Variants in IFFO1 observed in about 807,000 individuals in gnomAD.
IFFO1 encodes the protein non-homologous end joining factor IFFO1.
A neutral mutation model predicts 59.6 loss-of-function variants in IFFO1; 42 were observed. The ratio of observed to expected loss-of-function variants is 0.70; its 90% CI spans 0.55 to 0.91. The LOEUF (loss-of-function observed/expected upper bound fraction) is 0.91. Ranked by LOEUF, IFFO1 falls within the 40% of genes least tolerant of loss-of-function variation. IFFO1 has a pLI of 0.00. For synonymous variants in IFFO1, 336 were observed against 342.8 expected, an observed-to-expected ratio of 0.98 and a Z score of 0.22; for missense variants, 711 against 793.2, an observed-to-expected ratio of 0.90 and a Z score of 1.24.
chr12:6,543,694 C>G (rs565567403), intron 8 of IFFO1: 1 of 152,192 alleles, frequency 6.6e-6, no homozygotes, highest in African/African-American at 2.4e-5. Flanking sequence ...AGGCCGGGTG[C>G]GGTGGCTCAT....
At chr12:6,551,077 T>G (rs1947213635) in intron 1 of IFFO1, 76 bp from the exon 2 acceptor site, 11 of 1,462,626 alleles carry the variant, frequency 7.5e-6, no homozygotes, top group Non-Finnish European at 9.5e-6. Flanking sequence ...TGTCCCCACC[T>G]CTCTGGCTCA....
chr12:6,546,645 A>G (rs1457116781), intron 8 of IFFO1, among the ~76,000 whole-genome samples: 7 of 144,474 alleles, frequency 4.8e-5, no homozygotes, highest in African/African-American at 7.5e-5. Context: ...CACCACGGCC[A>G]GCTAATTTTT....
chr12:6,553,056 C>T (rs1338707591), intron 1 of IFFO1, among the ~76,000 whole-genome samples: 4 of 152,108 alleles, frequency 2.6e-5, no homozygotes, highest in East Asian at 1.9e-4. Context: ...GAAAATAGAA[C>T]GCAGGAGGCC....
At position 6,548,536 on chromosome 12, in the gene IFFO1, A is replaced by G; in HGVS notation, c.1272T>C (p.Tyr424=). ...MQRMLNQLRE[Y]DFEDDCDSLT... is the part of the protein sequence containing the mutation. The stretch of plus-strand genomic sequence containing the variant: ...GGCTGTCACAGTCGTCCTCAAAATC[A>G]TACTCCCTCCTAGAGACAGGGAACC... The change falls in exon 7 of 10, where the codon TAT becomes TAC. Residue 424 remains tyrosine, a synonymous_variant. Coordinates refer to ENST00000619571, the MANE Select transcript of IFFO1 (RefSeq NM_001193457.2). This position sits in a 1 kb window ranked among gnomAD's most constrained non-coding sequence, Gnocchi z 6.1. 1 of 1,613,628 alleles carries G rather than the reference A, an allele frequency of 6.2e-7. No homozygotes were observed. The highest frequency in any genetic ancestry group is 1.3e-5 in the African/African-American group (1 of 74,984).
intron 8 of IFFO1, 130 bp downstream of exon 8, chr12:6,547,935 C>T (rs1458254564): frequency 6.8e-6 from 5 of 734,148 alleles, no homozygotes; most frequent in Non-Finnish European, 1.2e-5. Flanking sequence ...AGGACTATAG[C>T]TGAGAGATCA....
At position 6,540,249 on chromosome 12, in the gene IFFO1, G is replaced by A; in HGVS notation, c.*234C>T. The A allele has an allele frequency of 3.5e-6, 2 of 577,906 alleles. No individual in the cohort carries two copies. The highest frequency in any genetic ancestry group is 2.1e-5 in the South Asian group (1 of 48,666). The allele number at this position is 577,906 out of a possible 1,614,324, so 35.8% of individuals were successfully genotyped here. A position where few individuals can be genotyped will look rare whatever the true frequency, so the allele number is the denominator to read the frequency against. On this transcript the variant is annotated 3_prime_UTR_variant, in exon 10 of 10. Transcript: ENST00000619571. Reference sequence around the variant, plus strand: ...GACACCCACGCGTGAAGGCAGGAGAGCCCCAACTGTGGTGGAAATGGCCCC... The same window carrying A: ...GACACCCACGCGTGAAGGCAGGAGAACCCCAACTGTGGTGGAAATGGCCCC...
In IFFO1 at chr12:6,548,900, C is replaced by G; in HGVS notation, c.1081-51G>C. On this transcript the variant is annotated intron_variant, in intron 5 of 9. Transcript: ENST00000619571. The surrounding 1 kb of genome is among the most constrained non-coding windows in gnomAD (Gnocchi z 6.1). ...AGGAGAAAGGGCGGGAGCGGGAGGC[C>G]GGGCAGAGAGGGTGGGAATGGGGGA... The G allele has an allele frequency of 1.3e-6, 2 of 1,507,142 alleles. No individual in the cohort carries two copies. The highest frequency in any genetic ancestry group is 1.8e-6 in the Non-Finnish European group (2 of 1,109,782). 93.4% of individuals were successfully genotyped at this position (1,507,142 alleles called of 1,614,324 possible). A position where few individuals can be genotyped will look rare whatever the true frequency, so the allele number is the denominator to read the frequency against.
At chr12:6,542,568 T>C (rs1592201041) in intron 8 of IFFO1, among the ~76,000 whole-genome samples, 1 of 151,420 alleles carries the variant, frequency 6.6e-6, no homozygotes, top group Admixed American at 6.6e-5. Context: ...ACAGAGAGGG[T>C]GGGAACTTAG....
Position 6,548,291 on chromosome 12 carries a change from GAT to G in IFFO1, c.1383+132_1384-132del. 1 of 1,328,812 alleles carries G rather than the reference GAT, an allele frequency of 7.5e-7. No individual in the cohort carries two copies. Among genetic ancestry groups the G allele is most frequent in the South Asian group, 1.2e-5 (1 of 81,726 alleles). The allele number at this position is 1,328,812 out of a possible 1,614,324, so 82.3% of individuals were successfully genotyped here. Reference sequence around the variant, plus strand: ...GAAACTGGAGAAAGAAAAGCAAAAGGATAAAGGAAGAGGGGAGACGCAGGTAG... The same window carrying G: ...GAAACTGGAGAAAGAAAAGCAAAAGGAAAGGAAGAGGGGAGACGCAGGTAG... On this transcript the variant is annotated intron_variant, in intron 7 of 9. Transcript: ENST00000619571. This position sits in a 1 kb window ranked among gnomAD's most constrained non-coding sequence, Gnocchi z 6.1.
Position 6,540,583 on chromosome 12 carries a change from G to C in IFFO1, c.1616C>G (p.Ser539Cys). 1 of 1,613,432 alleles carries C rather than the reference G, an allele frequency of 6.2e-7. No individual in the cohort carries two copies. The highest frequency in any genetic ancestry group is 8.5e-7 in the Non-Finnish European group (1 of 1,179,818). ...RLITQSGDRK[S>C]PAFTAVPLSD... ...AAGCGGGACCGCAGTGAAAGCAGGA[G>C]ACTTTCTAGAAAAAAACACCAGTTG... The change falls in exon 10 of 10, where the codon TCT becomes TGT. Residue 539 changes from serine to cysteine, a missense_variant. Transcript: ENST00000619571.
At chr12:6,545,171 C>G (rs1212858357) in intron 8 of IFFO1, among the ~76,000 whole-genome samples, 1 of 150,774 alleles carries the variant, frequency 6.6e-6, no homozygotes, top group Non-Finnish European at 1.5e-5. Flanking sequence ...GCTGAGATCG[C>G]GCCACTGCAC....
chr12:6,550,470 C>T (rs954205491), intron 3 of IFFO1: 2 of 571,950 alleles, frequency 3.5e-6, no homozygotes, highest in Admixed American at 6.0e-5. Flanking sequence ...AACTGCTCTG[C>T]AACCCCAGGC....
chr12:6,542,931 T>G (rs1946784029), intron 8 of IFFO1, among the ~76,000 whole-genome samples: 1 of 152,212 alleles, frequency 6.6e-6, no homozygotes, highest in Non-Finnish European at 1.5e-5. Context: ...AGGCTAGTAC[T>G]GCCACCAGTA....
chr12:6,551,589 AC>A, intron 1 of IFFO1: 2 of 726,228 alleles, frequency 2.8e-6, no homozygotes, highest in Non-Finnish European at 2.1e-6. Context: ...TCCAGAAACT[AC>A]CCACCCAGAG....
rs1946731406 is a variant in IFFO1, at chr12:6,541,811, C to CG, written c.1480-170dup. Among the ~76,000 whole-genome samples the CG allele has an allele frequency of 1.3e-5, 2 of 152,208 alleles. No individual in the cohort carries two copies. The highest frequency in any genetic ancestry group is 1.3e-4 in the Admixed American group (2 of 15,286). ...TAAACCAGACCAAGGCAGAAGGCAG[C>CG]GAATACACCATTGTTTCCTCTGCTT... On this transcript the variant is annotated intron_variant, in intron 8 of 9. Coordinates refer to ENST00000619571, the MANE Select transcript of IFFO1 (RefSeq NM_001193457.2). This position sits in a 1 kb window ranked among gnomAD's most constrained non-coding sequence, Gnocchi z 4.8.
rs57162220 is a variant in IFFO1 at position 6,548,050 on chromosome 12, C to T, written c.1479+15G>A. 4.2e-3 allele frequency: 6,731 copies of T among 1,604,068 alleles called. 235 individuals carry two copies. The African/African-American group carries it at 0.076, about 18-fold the overall frequency. ...TCTGGGACACCACGCCCCTGGCTTC[C>T]GCTCCTGCCCTTACCTCTATCTGGT... On this transcript the variant is annotated intron_variant, in intron 8 of 9. Coordinates refer to ENST00000619571, the MANE Select transcript of IFFO1 (RefSeq NM_001193457.2). The surrounding 1 kb of genome is among the most constrained non-coding windows in gnomAD (Gnocchi z 6.1).
chr12:6,541,381 G>A lies in IFFO1; in HGVS notation c.1610+131C>T, dbSNP rs759705777. ...CTGTGGGTCTGGGCCAGCCCCACCAGGTAACTCCCAAAGGGCAGCCCCACA... is the reference window on the plus strand; with the variant it reads ...CTGTGGGTCTGGGCCAGCCCCACCAAGTAACTCCCAAAGGGCAGCCCCACA... On this transcript the variant is annotated intron_variant, in intron 9 of 9. Transcript: ENST00000619571. This position sits in a 1 kb window ranked among gnomAD's most constrained non-coding sequence, Gnocchi z 4.8. The A allele has an allele frequency of 1.4e-5, 17 of 1,180,222 alleles. No homozygotes were observed. Among genetic ancestry groups the A allele is most frequent in the Middle Eastern group, 2.9e-4 (1 of 3,440 alleles). The allele number at this position is 1,180,222 out of a possible 1,614,324, so 73.1% of individuals were successfully genotyped here. A position where few individuals can be genotyped will look rare whatever the true frequency, so the allele number is the denominator to read the frequency against.
At chr12:6,544,164 A>AAT (rs1946845423) in intron 8 of IFFO1, among the ~76,000 whole-genome samples, 1 of 121,244 alleles carries the variant, frequency 8.2e-6, no homozygotes, top group Admixed American at 8.3e-5. Context: ...ATTTGAAAAT[A>AAT]CTTTTTTTTT....
At chr12:6,550,211 T>A (rs1194198405) in intron 3 of IFFO1, 3 of 343,176 alleles carry the variant, frequency 8.7e-6, no homozygotes, top group Non-Finnish European at 1.6e-5. Context: ...AGAACTTACA[T>A]TCCCAGAGAG....
Sources: allele counts gnomAD v4.1 joint callset (sites outside exome capture counted in the v4.1 genomes callset), GRCh38; gene constraint gnomAD v4.1.1; non-coding constraint Gnocchi (gnomAD v3.1); transcripts MANE v1.5; gene names NCBI Gene and HGNC (gene_info 2026-07-23, HGNC 2026-07-21).